Variants in RUBCN observed in about 807,000 individuals in gnomAD.
The protein encoded by RUBCN is run domain Beclin-1-interacting and cysteine-rich domain-containing protein.
RUBCN carries 74 observed loss-of-function variants against 113.2 expected under a neutral mutation model. That is an observed-to-expected ratio of 0.65 (90% CI 0.54 to 0.79). RUBCN has a LOEUF of 0.79. RUBCN is among the 30% of genes least tolerant of loss of function. The pLI, the probability that RUBCN is intolerant of heterozygous loss-of-function variation, is 0.00. For synonymous variants in RUBCN, 480 were observed against 490.0 expected, an observed-to-expected ratio of 0.98 and a Z score of 0.27; for missense variants, 1,109 against 1,251.7, an observed-to-expected ratio of 0.89 and a Z score of 1.72.
Position 197,671,497 on chromosome 3 carries a change from A to G in RUBCN, c.*3521T>C, listed in dbSNP as rs538992907. Reference sequence around the variant, plus strand: ...GAATGAGACGATGCGTGATGAGCTCAGTGTGCCACTTACAGAGGAAGTTGA... The same window carrying G: ...GAATGAGACGATGCGTGATGAGCTCGGTGTGCCACTTACAGAGGAAGTTGA... On this transcript the variant is annotated 3_prime_UTR_variant, in exon 20 of 20. Transcript: ENST00000296343. 2.0e-5 allele frequency: 3 copies of G among 152,388 alleles called. No individual in the cohort carries two copies. The highest frequency in any genetic ancestry group is 7.2e-5 in the African/African-American group (3 of 41,590). 9.4% of individuals were successfully genotyped at this position (152,388 alleles called of 1,614,324 possible).
chr3:197,717,896 T>C, intron 2 of RUBCN, 81 bp downstream of exon 2: 1 of 1,536,806 alleles, frequency 6.5e-7, no homozygotes, highest in East Asian at 2.2e-5. Context: ...ACCAGTGGCC[T>C]TCATCTCCTC....
chr3:197,718,166 C>A, intron 1 of RUBCN, 36 bp from the exon 2 acceptor site: 2 of 1,612,062 alleles, frequency 1.2e-6, no homozygotes, highest in Non-Finnish European at 1.7e-6. Flanking sequence ...CGTTAGTTAC[C>A]TTTGCTGTAC....
chr3:197,730,883 A>C (rs1424724866), intron 1 of RUBCN, among the ~76,000 whole-genome samples: 4 of 60,806 alleles, frequency 6.6e-5, no homozygotes, highest in African/African-American at 2.3e-4. Flanking sequence ...TTTTAAAAGC[A>C]TCTTTTTTTT....
At chr3:197,721,157 C>T (rs753048869) in intron 1 of RUBCN, among the ~76,000 whole-genome samples, 1 of 152,066 alleles carries the variant, frequency 6.6e-6, no homozygotes, top group Non-Finnish European at 1.5e-5. Flanking sequence ...CTCTCTCCTT[C>T]GATTTTGTGG....
chr3:197,749,549 G>A (rs1391168076), exon 1 of RUBCN: 8 of 1,291,230 alleles, frequency 6.2e-6, no homozygotes, highest in South Asian at 2.5e-5. Context: ...GTTGCGGTGG[G>A]CGCGAAAGGC....
At chr3:197,699,283 T>C (rs1263028606) in intron 7 of RUBCN, 8 of 1,316,864 alleles carry the variant, frequency 6.1e-6, no homozygotes, top group East Asian at 5.0e-5. Context: ...GCAATGAGAA[T>C]ACAGAGAGAG....
At chr3:197,734,141 C>T (rs1224174407) in intron 1 of RUBCN, among the ~76,000 whole-genome samples, 1 of 151,542 alleles carries the variant, frequency 6.6e-6, no homozygotes, top group Admixed American at 6.6e-5. Flanking sequence ...CCTGTAATCC[C>T]AGCTACTTGG....
chr3:197,714,809 T>A (rs941104614), intron 2 of RUBCN, among the ~76,000 whole-genome samples: 1 of 149,778 alleles, frequency 6.7e-6, no homozygotes, highest in Non-Finnish European at 1.5e-5. Context: ...TGAGGTCTGA[T>A]TTTTTTTTTA....
At position 197,671,163 on chromosome 3, in the gene RUBCN, T is replaced by A. The variant is rs769957329; in HGVS notation, c.*3855A>T. 4.6e-4 allele frequency among the ~76,000 whole-genome samples: 70 copies of A among 152,148 alleles called. No homozygotes were observed. The highest frequency in any genetic ancestry group is 8.8e-4 in the Non-Finnish European group (60 of 68,026). On this transcript the variant is annotated 3_prime_UTR_variant, in exon 20 of 20. Transcript: ENST00000296343. ...CCGAGTAGCTGGGATTACAAGCACA[T>A]GCCACCATGCCTGGCTAATTTTTAT...
At chr3:197,720,981 A>AT (rs1014292868) in intron 1 of RUBCN, among the ~76,000 whole-genome samples, 31 of 150,490 alleles carry the variant, frequency 2.1e-4, no homozygotes, top group Admixed American at 1.3e-3. Flanking sequence ...CTATCTTCTG[A>AT]TTTTTTTTTA....
chr3:197,679,778 T>C (rs1379466041), intron 16 of RUBCN, among the ~76,000 whole-genome samples: 31 of 117,982 alleles, frequency 2.6e-4, no homozygotes, highest in Admixed American at 5.3e-4. Flanking sequence ...ACAACTGGCT[T>C]CAGACTGTCC....
intron 12 of RUBCN, 107 bp downstream of exon 12, chr3:197,684,050 C>T (rs1005874789): frequency 1.1e-6 from 1 of 886,530 alleles, no homozygotes; most frequent in Non-Finnish European, 1.9e-6. Flanking sequence ...ACCTCGCCTC[C>T]TCTTACATCT....
intron 5 of RUBCN, among the ~76,000 whole-genome samples, chr3:197,702,392 G>A (rs1723776681): frequency 6.6e-6 from 1 of 152,250 alleles, no homozygotes; most frequent in African/African-American, 2.4e-5. Flanking sequence ...GCCGGGCACA[G>A]TGCCTCACAC....
Position 197,675,256 on chromosome 3 carries a change from G to T in RUBCN, c.2741-60C>A. On this transcript the variant is annotated intron_variant, in intron 19 of 19. Transcript: ENST00000296343. This position sits in a 1 kb window ranked among gnomAD's most constrained non-coding sequence, Gnocchi z 4.4. Reference sequence around the variant, plus strand: ...ACAATTTGTATTATCTCCAGCTAGAGGTCAGTTGCTGCCACAGCCCCTTCT... The same window carrying T: ...ACAATTTGTATTATCTCCAGCTAGATGTCAGTTGCTGCCACAGCCCCTTCT... 6.3e-7 allele frequency: 1 copy of T among 1,599,642 alleles called. No individual in the cohort carries two copies. Among genetic ancestry groups the T allele is most frequent in the Non-Finnish European group, 8.6e-7 (1 of 1,167,296 alleles).
chr3:197,720,077 C>A (rs1180393473), intron 1 of RUBCN, among the ~76,000 whole-genome samples: 1 of 152,132 alleles, frequency 6.6e-6, no homozygotes, highest in Non-Finnish European at 1.5e-5. Context: ...TCTCCATGCC[C>A]TTCTCCCGCC....
At chr3:197,739,688 G>A (rs1209552491), upstream of RUBCN, among the ~76,000 whole-genome samples, 1 of 152,126 alleles carries the variant, frequency 6.6e-6, no homozygotes, top group Non-Finnish European at 1.5e-5. Flanking sequence ...GACAGAGCTA[G>A]ACCTGGGCGA....
chr3:197,725,016 A>G (rs1028666549), intron 1 of RUBCN, among the ~76,000 whole-genome samples: 1 of 152,114 alleles, frequency 6.6e-6, no homozygotes, highest in Non-Finnish European at 1.5e-5. Context: ...TCGTCTCTAC[A>G]AAAAAACTAA....
chr3:197,677,551 AAG>A lies in RUBCN; in HGVS notation c.2431-12_2431-11del, dbSNP rs769911078. 1.2e-5 allele frequency: 20 copies of A among 1,613,660 alleles called. No individual in the cohort carries two copies. The highest frequency in any genetic ancestry group is 5.5e-5 in the South Asian group (5 of 91,068). On this transcript the variant is annotated splice_polypyrimidine_tract_variant and intron_variant, in intron 16 of 19. Coordinates refer to ENST00000296343, the MANE Select transcript of RUBCN (RefSeq NM_014687.4). ...GCTGGACCCGCAGCAGCTGAAAAGA[AAG>A]AGAGGGGGGCAGGAGTGGGAGGGAG...
At chr3:197,696,382 A>C (rs1560427480) in intron 8 of RUBCN, among the ~76,000 whole-genome samples, 2 of 152,006 alleles carry the variant, frequency 1.3e-5, no homozygotes, top group Admixed American at 1.3e-4. Flanking sequence ...CAAAAAAAAA[A>C]AAACAAAACA....
Sources: allele counts gnomAD v4.1 joint callset (sites outside exome capture counted in the v4.1 genomes callset), GRCh38; gene constraint gnomAD v4.1.1; non-coding constraint Gnocchi (gnomAD v3.1); transcripts MANE v1.5; gene names NCBI Gene and HGNC (gene_info 2026-07-23, HGNC 2026-07-21).